Variants in GFOD2 observed in about 807,000 individuals in gnomAD.
GFOD2 encodes the protein Gfo/Idh/MocA-like oxidoreductase domain containing 2.
A neutral mutation model predicts 24.6 loss-of-function variants in GFOD2; 9 were observed. That is an observed-to-expected ratio of 0.37 (90% CI 0.22 to 0.64). The LOEUF (loss-of-function observed/expected upper bound fraction) is 0.64, where lower values mean the gene tolerates loss of function less well. GFOD2 is among the 30% of genes least tolerant of loss of function. The pLI is 0.65. For missense variants in GFOD2, 476 were observed against 532.5 expected (o/e 0.89, Z 1.04); for synonymous variants, 211 against 224.8 (o/e 0.94, Z 0.55).
chr16:67,708,634 C>T (rs2053453723), intron 1 of GFOD2, among the ~76,000 whole-genome samples: 1 of 152,190 alleles, frequency 6.6e-6, no homozygotes, highest in South Asian at 2.1e-4. Flanking sequence ...TGTAGCTATA[C>T]AGGTTGGGCA....
intron 2 of GFOD2, chr16:67,682,534 A>C (rs1597792069): frequency 3.0e-6 from 3 of 985,302 alleles, no homozygotes; most frequent in East Asian, 2.3e-4. Flanking sequence ...CTCCCCTTTA[A>C]GAAATTCATG....
At chr16:67,677,101 C>G (rs1597789408) in intron 2 of GFOD2, 1 of 152,098 alleles carries the variant, frequency 6.6e-6, no homozygotes, top group East Asian at 1.9e-4. Context: ...TGGCAAAAAC[C>G]CACGAAAAAG....
At chr16:67,694,842 ACT>A (rs2053346281) in intron 1 of GFOD2, among the ~76,000 whole-genome samples, 2 of 151,426 alleles carry the variant, frequency 1.3e-5, no homozygotes, top group Non-Finnish European at 1.5e-5. Flanking sequence ...TCTTGTCTCC[ACT>A]CTCTGTGACT....
intron 2 of GFOD2, chr16:67,680,946 A>G: frequency 2.0e-6 from 2 of 985,460 alleles, no homozygotes; most frequent in Non-Finnish European, 2.4e-6. Flanking sequence ...AAGAACAGCC[A>G]GCCAAGTGTC....
intron 1 of GFOD2, among the ~76,000 whole-genome samples, chr16:67,703,789 G>A (rs2053420147): frequency 6.6e-6 from 1 of 152,112 alleles, no homozygotes; most frequent in South Asian, 2.1e-4. Flanking sequence ...TAACTACAGG[G>A]GCTAGAGGCA....
intron 1 of GFOD2, among the ~76,000 whole-genome samples, chr16:67,717,790 CGATAGATA>C (rs56029322): frequency 2.9e-4 from 44 of 151,158 alleles, no homozygotes; most frequent in Middle Eastern, 6.8e-3. Flanking sequence ...GACTCCGTCT[CGATAGATA>C]GATAGATAGA....
chr16:67,697,501 C>T (rs898726730), intron 1 of GFOD2, among the ~76,000 whole-genome samples: 25 of 152,152 alleles, frequency 1.6e-4, no homozygotes, highest in African/African-American at 6.0e-4. Context: ...TTCCATGCAA[C>T]CCTGTTGTAC....
At chr16:67,682,655 GAA>G (rs2053236406) in intron 2 of GFOD2, 1 of 985,196 alleles carries the variant, frequency 1.0e-6, no homozygotes, top group South Asian at 4.7e-5. Context: ...ATTATCTCTG[GAA>G]GGTTAAGTCC....
intron 1 of GFOD2, among the ~76,000 whole-genome samples, chr16:67,690,742 A>G (rs1436867163): frequency 6.6e-6 from 1 of 152,204 alleles, no homozygotes; most frequent in African/African-American, 2.4e-5. Flanking sequence ...TAAAAGGACA[A>G]ATCTGTCATT....
In GFOD2 at chr16:67,675,190, T is replaced by G. The variant is rs1235753958; in HGVS notation, c.1123A>C (p.Asn375His). Residue 375 changes from asparagine (N) to histidine (H), a missense_variant, in exon 3 of 3, where the codon AAC (asparagine) becomes CAC (histidine). Transcript: ENST00000268797. ...TTCCGCTGAAGTGCCTCACACAGGT[T>G]CTGGTTGGTGTCGGGCTCCTCCGTC... ...VLTEEPDTNQ[N>H]LCEALQRNNL 1 of 1,613,940 alleles carries G rather than the reference T, an allele frequency of 6.2e-7. No homozygotes were observed. The highest frequency in any genetic ancestry group is 1.7e-5 in the Admixed American group (1 of 60,024).
At chr16:67,710,737 ACT>A (rs1417676273) in intron 1 of GFOD2, among the ~76,000 whole-genome samples, 1 of 152,132 alleles carries the variant, frequency 6.6e-6, no homozygotes, top group Non-Finnish European at 1.5e-5. Flanking sequence ...AAGGTTTCAC[ACT>A]CTGAGGCTCA....
chr16:67,676,251 C>G (rs556220151), intron 2 of GFOD2, 198 bp from the exon 3 acceptor site: 62 of 606,816 alleles, frequency 1.0e-4, no homozygotes, highest in African/African-American at 1.0e-3. Context: ...TCCATCTTGG[C>G]CTCCTAAGTG....
intron 1 of GFOD2, among the ~76,000 whole-genome samples, chr16:67,706,974 G>T (rs959782071): frequency 2.0e-5 from 3 of 151,590 alleles, no homozygotes; most frequent in African/African-American, 7.3e-5. Flanking sequence ...AAGGAGAATG[G>T]TGTAAACCCA....
intron 1 of GFOD2, among the ~76,000 whole-genome samples, chr16:67,690,130 G>A (rs1055896324): frequency 1.3e-5 from 2 of 152,188 alleles, no homozygotes; most frequent in African/African-American, 2.4e-5. Flanking sequence ...ATACTGATAT[G>A]AACATGGTGT....
intron 2 of GFOD2, chr16:67,683,729 C>T: frequency 8.1e-7 from 1 of 1,228,736 alleles, no homozygotes; most frequent in East Asian, 3.2e-5. Context: ...TGACATTCCT[C>T]AGAATGAGGG....
chr16:67,713,562 C>T (rs931257716), intron 1 of GFOD2, among the ~76,000 whole-genome samples: 5 of 152,320 alleles, frequency 3.3e-5, no homozygotes, highest in African/African-American at 1.2e-4. Flanking sequence ...CTCCCTCCTT[C>T]AGATCAACTA....
chr16:67,685,836 G>A (rs750048044), intron 1 of GFOD2, 34 bp from the exon 2 acceptor site: 154 of 1,219,614 alleles, frequency 1.3e-4, no homozygotes, highest in Non-Finnish European at 1.7e-4. Context: ...GTTATTACTG[G>A]AGAGGACACT....
chr16:67,682,219 G>C (rs2053231400), intron 2 of GFOD2: 1 of 346,546 alleles, frequency 2.9e-6, no homozygotes, highest in African/African-American at 2.2e-5. Context: ...TGTGTTTTTA[G>C]TATAGACGAG....
At chr16:67,696,249 G>A (rs1295018515) in intron 1 of GFOD2, among the ~76,000 whole-genome samples, 2 of 151,360 alleles carry the variant, frequency 1.3e-5, no homozygotes, top group East Asian at 2.0e-4. Flanking sequence ...TCTTGACCTC[G>A]TGATCTGCCC....
Sources: allele counts gnomAD v4.1 joint callset (sites outside exome capture counted in the v4.1 genomes callset), GRCh38; gene constraint gnomAD v4.1.1; transcripts MANE v1.5; gene names NCBI Gene and HGNC (gene_info 2026-07-23, HGNC 2026-07-21).